ARSF: variants seen among roughly 807,000 people sequenced by gnomAD.
ARSF encodes the protein arylsulfatase F.
Under a neutral mutation model 35.4 loss-of-function variants are expected in ARSF, and 33 were observed. The observed-to-expected ratio is 0.93, with a 90% CI of 0.71 to 1.25. ARSF has a LOEUF of 1.25. Among genes scored for constraint, ARSF ranks in the 50% most tolerant of loss-of-function variants. The pLI, the probability that ARSF is intolerant of heterozygous loss-of-function variation, is 0.00. For synonymous variants in ARSF, 222 were observed against 193.1 expected (o/e 1.15, Z -1.24); for missense variants, 501 against 480.2 (o/e 1.04, Z -0.40).
rs1431370186 is a variant in ARSF, at chrX:3,103,905, G to A, written c.1246G>A (p.Gly416Arg). The A allele has an allele frequency of 2.5e-6, 3 of 1,211,121 alleles. No homozygotes were observed. In the South Asian group the frequency reaches 5.3e-5, roughly 21 times the overall value. The change falls in exon 9 of 11, where the codon GGA becomes AGA. Residue 416 changes from glycine (G) to arginine (R), a missense_variant. Coordinates refer to ENST00000381127, the MANE Select transcript of ARSF (RefSeq NM_001201539.2). ...ILPTVASVSG[G>R]SLPQDRVIDG... Reference sequence around the variant, plus strand: ...ACCAACTGTCGCATCAGTGTCAGGAGGAAGTCTCCCTCAGGACAGGTGATG... The same window carrying A: ...ACCAACTGTCGCATCAGTGTCAGGAAGAAGTCTCCCTCAGGACAGGTGATG...
rs370241983 is a variant in ARSF at position 3,112,238 on chromosome X, C to T, written c.1455C>T (p.Cys485=). 31 of 1,208,055 alleles carry T rather than the reference C, an allele frequency of 2.6e-5. No homozygotes were observed. In the African/African-American group the frequency reaches 5.1e-4, roughly 20 times the overall value. Residue 485 remains cysteine, a synonymous_variant, in exon 11 of 11, where the codon TGC becomes TGT. Transcript: ENST00000381127. ...PVFQPPASGG[C]YVTSLCRCFG... Reference sequence around the variant, plus strand: ...TCCAGCCACCAGCTTCTGGTGGCTGCTATGTCACCTCATTATGCAGATGTT... The same window carrying T: ...TCCAGCCACCAGCTTCTGGTGGCTGTTATGTCACCTCATTATGCAGATGTT...
intron 5 of ARSF, among the ~76,000 whole-genome samples, chrX:3,083,184 C>T (rs1297084469): frequency 4.5e-5 from 5 of 111,174 alleles, no homozygotes; most frequent in Admixed American, 3.9e-4. Flanking sequence ...CTTACACATA[C>T]ATACATGCCC....
chrX:3,081,940 G>T (rs2090204762), intron 5 of ARSF, among the ~76,000 whole-genome samples: 1 of 111,137 alleles, frequency 9.0e-6, no homozygotes, highest in African/African-American at 3.3e-5. Context: ...ATCTGCTGTT[G>T]ATAAGAGAAG....
At chrX:3,102,381 T>C (rs2090382808) in intron 8 of ARSF, among the ~76,000 whole-genome samples, 1 of 112,118 alleles carries the variant, frequency 8.9e-6, no homozygotes, top group African/African-American at 3.2e-5. Context: ...ACAGGCTGTT[T>C]GGTTTTCCAT....
At chrX:3,078,555 A>T (rs896095446) in intron 4 of ARSF, among the ~76,000 whole-genome samples, 9 of 111,205 alleles carry the variant, frequency 8.1e-5, no homozygotes, top group African/African-American at 2.3e-4. Context: ...GCTGAAGTGC[A>T]GTGTCACAAT....
At chrX:3,056,458 T>C (rs1380099706) in intron 1 of ARSF, among the ~76,000 whole-genome samples, 1 of 108,998 alleles carries the variant, frequency 9.2e-6, no homozygotes, top group African/African-American at 3.3e-5. Flanking sequence ...ATATTTTTAG[T>C]AGAGACGGCG....
intron 1 of ARSF, among the ~76,000 whole-genome samples, chrX:3,057,132 T>G (rs2090021805): frequency 8.9e-6 from 1 of 112,145 alleles, no homozygotes; most frequent in Non-Finnish European, 1.9e-5. Flanking sequence ...CCCTAGCAGG[T>G]TGCTTATTGC....
At chrX:3,094,866 A>AAT (rs1341389044) in intron 7 of ARSF, among the ~76,000 whole-genome samples, 3 of 109,193 alleles carry the variant, frequency 2.7e-5, no homozygotes, top group African/African-American at 6.6e-5. Context: ...AACCCTTTAT[A>AAT]ATATATATAT....
chrX:3,092,943 CG>C (rs1262818342), intron 7 of ARSF, among the ~76,000 whole-genome samples: 24 of 111,916 alleles, frequency 2.1e-4, no homozygotes, highest in African/African-American at 6.8e-4. Flanking sequence ...GAGGCCAAGG[CG>C]GGTGGATAAC....
intron 5 of ARSF, among the ~76,000 whole-genome samples, chrX:3,083,659 A>G (rs138739754): frequency 9.0e-6 from 1 of 111,457 alleles, no homozygotes; most frequent in African/African-American, 3.3e-5. Context: ...ATATCTACAT[A>G]TGCATCTGTT....
Position 3,089,666 on chromosome X carries a change from C to T in ARSF, c.967+34C>T, listed in dbSNP as rs139445768. 95 of 1,202,699 alleles carry T rather than the reference C, an allele frequency of 7.9e-5. 1 individual carries two copies. In the African/African-American group the frequency reaches 1.4e-3, roughly 18 times the overall value. On this transcript the variant is annotated intron_variant, in intron 7 of 10. Transcript: ENST00000381127. The stretch of plus-strand genomic sequence containing the variant: ...CAGGACTTAAGTGGACAGAAACTAA[C>T]GTGTTCTGATAGGACAGGACACCTG...
intron 1 of ARSF, among the ~76,000 whole-genome samples, chrX:3,057,074 G>T (rs932103222): frequency 9.0e-6 from 1 of 111,183 alleles, no homozygotes; most frequent in Non-Finnish European, 1.9e-5. Flanking sequence ...TAAAAGAGTC[G>T]GTTGCCCATC....
intron 8 of ARSF, 142 bp from the exon 9 acceptor site, chrX:3,103,620 A>G: frequency 1.5e-6 from 1 of 650,023 alleles, no homozygotes; most frequent in Admixed American, 4.0e-5. Flanking sequence ...GACGTGCACT[A>G]CTTACCCCAC....
At position 3,069,404 on chromosome X, in the gene ARSF, G is replaced by A. The variant is rs772622067; in HGVS notation, c.11+1293G>A. Among the ~76,000 whole-genome samples the A allele has an allele frequency of 3.6e-5, 4 of 110,631 alleles. No homozygotes were observed. In the South Asian group the frequency reaches 1.5e-3, roughly 42 times the overall value. On this transcript the variant is annotated intron_variant, in intron 2 of 10. Coordinates refer to ENST00000381127, the MANE Select transcript of ARSF (RefSeq NM_001201539.2). ...AGTGGCGCAATCTCAGCTCACTGCA[G>A]GCTTGAACTCCTGAGCTCAAGCGAT...
chrX:3,052,863 T>C (rs903068390), intron 1 of ARSF, among the ~76,000 whole-genome samples: 1 of 111,717 alleles, frequency 9.0e-6, no homozygotes, highest in African/African-American at 3.2e-5. Context: ...CATCTAGGAA[T>C]GTTTTAAAGA....
intron 1 of ARSF, among the ~76,000 whole-genome samples, chrX:3,063,035 C>A (rs1425504971): frequency 1.8e-5 from 2 of 111,970 alleles, no homozygotes; most frequent in South Asian, 7.5e-4. Context: ...CCCTGATGAA[C>A]ATCAGTGCAA....
chrX:3,100,311 TA>T (rs1319073346), intron 7 of ARSF, among the ~76,000 whole-genome samples: 6 of 112,572 alleles, frequency 5.3e-5, no homozygotes, highest in African/African-American at 1.9e-4. Context: ...TCAAATTCTG[TA>T]ACAATGTCTG....
rs138838203 is a variant in ARSF, at chrX:3,062,551, C to T, written c.-28-5522C>T. 5.2e-3 allele frequency among the ~76,000 whole-genome samples: 580 copies of T among 110,639 alleles called. 4 individuals are homozygous for T. Among genetic ancestry groups the T allele is most frequent in the African/African-American group, 0.017 (532 of 30,449 alleles). On this transcript the variant is annotated intron_variant, in intron 1 of 10. Transcript: ENST00000381127. ...GAAAAGATCAACAAAATTGATAGGCCGCTAACAACACTAATAAAGAAGAAA... is the reference window on the plus strand; with the variant it reads ...GAAAAGATCAACAAAATTGATAGGCTGCTAACAACACTAATAAAGAAGAAA...
At chrX:3,060,335 G>A (rs1440885985) in intron 1 of ARSF, among the ~76,000 whole-genome samples, 2 of 111,972 alleles carry the variant, frequency 1.8e-5, no homozygotes, top group Non-Finnish European at 3.8e-5. Context: ...CAAAAGGTAG[G>A]TAAAACCACA....
Sources: allele counts gnomAD v4.1 joint callset (sites outside exome capture counted in the v4.1 genomes callset), GRCh38; gene constraint gnomAD v4.1.1; transcripts MANE v1.5; gene names NCBI Gene and HGNC (gene_info 2026-07-23, HGNC 2026-07-21).